Variants in FAM240A observed in about 807,000 individuals in gnomAD.
The protein encoded by FAM240A is family with sequence similarity 240 member A, also known as protein FAM240A.
A neutral mutation model predicts 7.3 loss-of-function variants in FAM240A; 8 were observed. The ratio of observed to expected loss-of-function variants is 1.09; its 90% CI spans 0.64 to 1.97. The LOEUF (loss-of-function observed/expected upper bound fraction) is 1.97, where lower values mean the gene tolerates loss of function less well. Among genes scored for constraint, FAM240A ranks in the 30% most tolerant of loss-of-function variants. The pLI is 0.00. For missense variants in FAM240A, 90 were observed against 102.2 expected (o/e 0.88, Z 0.52); for synonymous variants, 32 against 35.9 (o/e 0.89, Z 0.38).
At chr3:46,618,971 T>C (rs1178949937) in intron 2 of FAM240A, among the ~76,000 whole-genome samples, 2 of 151,866 alleles carry the variant, frequency 1.3e-5, no homozygotes, top group African/African-American at 4.8e-5. Flanking sequence ...AGATAAACTT[T>C]CTGGTTGATA....
At chr3:46,617,486 G>A (rs143727922) in intron 2 of FAM240A, among the ~76,000 whole-genome samples, 158 bp downstream of exon 2, 2,081 of 152,252 alleles carry the variant, frequency 0.014, 17 homozygotes, top group Non-Finnish European at 0.02. Flanking sequence ...CTGCACCAGT[G>A]GTACCTTTGT....
rs1451708745 is a variant in FAM240A, at chr3:46,621,486, G to A, written c.162-3642G>A. On this transcript the variant is annotated intron_variant, in intron 2 of 2. Transcript: ENST00000640551. ...TGTCTTTTTTAAACAGCACATAGTT[G>A]TCTGAGCACGGTGGCTCATGCCTGT... Among the ~76,000 whole-genome samples the A allele has an allele frequency of 2.6e-4, 39 of 152,056 alleles. 1 individual carries two copies. Among genetic ancestry groups the A allele is most frequent in the Admixed American group, 2.6e-3 (39 of 15,268 alleles).
rs899953985 is a variant in FAM240A at position 46,626,120 on chromosome 3, T to A, written c.*902T>A. The A allele has an allele frequency of 1.3e-5, 2 of 152,094 alleles. No homozygotes were observed. The highest frequency in any genetic ancestry group is 2.9e-5 in the Non-Finnish European group (2 of 68,046). The allele number at this position is 152,094 out of a possible 1,614,324, so 9.4% of individuals were successfully genotyped here. A position where few individuals can be genotyped will look rare whatever the true frequency, so the allele number is the denominator to read the frequency against. On this transcript the variant is annotated 3_prime_UTR_variant, in exon 3 of 3. Coordinates refer to ENST00000640551, the MANE Select transcript of FAM240A (RefSeq NM_001195442.2). ...GCAATGATATAAAGTCCTGGGTACT[T>A]GCTGGCTGTAAGCAGCACCTGCAAG...
intron 1 of FAM240A, among the ~76,000 whole-genome samples, chr3:46,616,484 C>A (rs1337492561): frequency 6.6e-6 from 1 of 152,112 alleles, no homozygotes; most frequent in African/African-American, 2.4e-5. Flanking sequence ...TTATCCCTAA[C>A]CTCTTTCCTT....
chr3:46,624,519 C>G (rs1275796774), intron 2 of FAM240A, among the ~76,000 whole-genome samples: 1 of 152,086 alleles, frequency 6.6e-6, no homozygotes, highest in Non-Finnish European at 1.5e-5. Context: ...ATCTGTCCAC[C>G]TTGGCCTCCC....
chr3:46,622,018 A>G (rs1575386632), intron 2 of FAM240A, among the ~76,000 whole-genome samples: 1 of 126,032 alleles, frequency 7.9e-6, no homozygotes, highest in African/African-American at 3.0e-5. Context: ...CTCTCATCTT[A>G]TCATTGTCTT....
In FAM240A at chr3:46,615,100, G is replaced by A. The variant is rs535582153; in HGVS notation, c.16-2083G>A. On this transcript the variant is annotated intron_variant, in intron 1 of 2. Transcript: ENST00000640551. The stretch of plus-strand genomic sequence containing the variant: ...AGAACCCATGTGACAAACAGACGGC[G>A]CATCAAGGCAGTGGAAACACGGGTC... 1.1e-4 allele frequency among the ~76,000 whole-genome samples: 17 copies of A among 152,250 alleles called. No individual in the cohort carries two copies. The South Asian group carries it at 1.9e-3, about 17-fold the overall frequency.
chr3:46,623,091 A>G (rs1697715516), intron 2 of FAM240A, among the ~76,000 whole-genome samples: 1 of 152,144 alleles, frequency 6.6e-6, no homozygotes, highest in Non-Finnish European at 1.5e-5. Flanking sequence ...ATCTTTTGTC[A>G]GATTTACCTC....
intron 1 of FAM240A, among the ~76,000 whole-genome samples, chr3:46,613,445 G>C (rs1391178032): frequency 6.6e-6 from 1 of 151,952 alleles, no homozygotes; most frequent in Non-Finnish European, 1.5e-5. Flanking sequence ...AGTGAGCTGA[G>C]ATCGTGCCAC....
intron 2 of FAM240A, among the ~76,000 whole-genome samples, chr3:46,619,579 A>G (rs781282436): frequency 5.3e-5 from 8 of 152,180 alleles, no homozygotes; most frequent in Non-Finnish European, 8.8e-5. Flanking sequence ...TGTCCACTAC[A>G]GGATCTGAGC....
Position 46,618,650 on chromosome 3 carries a change from G to A in FAM240A, c.161+1322G>A, listed in dbSNP as rs542372067. ...GAGGTCGAGAGTTTGAGACCAGCCCGACCAACAAGGAGAAACCCCATCTCT... is the reference window on the plus strand; with the variant it reads ...GAGGTCGAGAGTTTGAGACCAGCCCAACCAACAAGGAGAAACCCCATCTCT... On this transcript the variant is annotated intron_variant, in intron 2 of 2. Transcript: ENST00000640551. Among the ~76,000 whole-genome samples, 14 of 152,108 alleles carry A rather than the reference G, an allele frequency of 9.2e-5. 2 individuals are homozygous for A. In the South Asian group the frequency reaches 1.0e-3, roughly 11 times the overall value.
intron 2 of FAM240A, among the ~76,000 whole-genome samples, chr3:46,618,059 G>C (rs114054284): frequency 0.017 from 2,564 of 152,284 alleles, 41 homozygotes; most frequent in Non-Finnish European, 0.026. Flanking sequence ...TCAGCCAGCT[G>C]TCTGACGAGG....
chr3:46,617,621 C>CCATGCTTACATTCCTTTAATT (rs1280962537), intron 2 of FAM240A, among the ~76,000 whole-genome samples: 7 of 152,164 alleles, frequency 4.6e-5, no homozygotes, highest in Non-Finnish European at 8.8e-5. Context: ...TTTTAATTTT[C>CCATGCTTACATTCCTTTAATT]CATGCTTACA....
chr3:46,620,974 T>A (rs1697687369), intron 2 of FAM240A, among the ~76,000 whole-genome samples: 1 of 152,196 alleles, frequency 6.6e-6, no homozygotes, highest in Admixed American at 6.5e-5. Context: ...AAGGGAGATA[T>A]GGGAAACAAG....
At chr3:46,622,660 TG>T (rs1236632650) in intron 2 of FAM240A, among the ~76,000 whole-genome samples, 1 of 152,208 alleles carries the variant, frequency 6.6e-6, no homozygotes, top group African/African-American at 2.4e-5. Context: ...ACATTGTCTT[TG>T]CACGTTTGTT....
chr3:46,618,307 T>A (rs1697652810), intron 2 of FAM240A, among the ~76,000 whole-genome samples: 1 of 152,246 alleles, frequency 6.6e-6, no homozygotes, highest in South Asian at 2.1e-4. Flanking sequence ...AAGTAGGGCA[T>A]AGAAAGCTGA....
intron 2 of FAM240A, among the ~76,000 whole-genome samples, chr3:46,623,495 T>C (rs1304803512): frequency 6.6e-6 from 1 of 152,214 alleles, no homozygotes; most frequent in Non-Finnish European, 1.5e-5. Flanking sequence ...AAATCTCTGC[T>C]ATAAATACAG....
intron 2 of FAM240A, among the ~76,000 whole-genome samples, chr3:46,620,044 A>C (rs1263161290): frequency 6.6e-6 from 1 of 151,772 alleles, no homozygotes; most frequent in Non-Finnish European, 1.5e-5. Context: ...TTGGCCCAGC[A>C]CTCACTCCCA....
chr3:46,613,355 G>A (rs1029661496), intron 1 of FAM240A, among the ~76,000 whole-genome samples: 3 of 152,076 alleles, frequency 2.0e-5, no homozygotes, highest in African/African-American at 4.8e-5. Context: ...TTAGCCCGGC[G>A]TGGTAGCAGG....
Sources: gnomAD v4.1 joint callset for allele counts (sites outside exome capture counted in the v4.1 genomes callset) on GRCh38, gnomAD v4.1.1 for gene constraint, MANE v1.5 for transcripts, NCBI Gene and HGNC (gene_info 2026-07-23, HGNC 2026-07-21) for gene names.